The following ABCA5 variants were observed in gnomAD, a reference collection of about 807,000 sequenced individuals.
The protein encoded by ABCA5 is ATP binding cassette subfamily A member 5, also known as cholesterol transporter ABCA5.
ABCA5 carries 163 observed loss-of-function variants against 206.0 expected under a neutral mutation model. That is an observed-to-expected ratio of 0.79 (90% CI 0.70 to 0.90). ABCA5 has a LOEUF of 0.90. ABCA5 is among the 40% of genes least tolerant of loss of function. The pLI is 0.00. For synonymous variants in ABCA5, 609 were observed against 613.8 expected (o/e 0.99, Z 0.11); for missense variants, 1,859 against 1,912.9 (o/e 0.97, Z 0.53).
intron 1 of ABCA5, chr17:69,317,694 A>T (rs1471339884): frequency 3.3e-5 from 5 of 152,160 alleles, no homozygotes; most frequent in Non-Finnish European, 5.9e-5. Context: ...GAATGATCTA[A>T]ATCATTGTAC....
chr17:69,289,715 G>A (rs1013848258), intron 13 of ABCA5, 147 bp downstream of exon 13: 103 of 673,128 alleles, frequency 1.5e-4, no homozygotes, highest in Non-Finnish European at 1.8e-4. Context: ...TCCAAATTCT[G>A]TCTAATTCTT....
intron 3 of ABCA5, among the ~76,000 whole-genome samples, chr17:69,310,047 T>C (rs1241161111): frequency 6.6e-6 from 1 of 152,214 alleles, no homozygotes; most frequent in Non-Finnish European, 1.5e-5. Context: ...AAAACCTCAA[T>C]TAATTATACT....
At chr17:69,284,369 G>A (rs1024468191) in intron 17 of ABCA5, among the ~76,000 whole-genome samples, 7 of 151,596 alleles carry the variant, frequency 4.6e-5, no homozygotes, top group African/African-American at 1.7e-4. Context: ...ATAAATTAAG[G>A]ACCTCAAAGA....
At chr17:69,253,405 T>A (rs2075038603) in intron 34 of ABCA5, among the ~76,000 whole-genome samples, 168 bp downstream of exon 34, 1 of 152,236 alleles carries the variant, frequency 6.6e-6, no homozygotes, top group Non-Finnish European at 1.5e-5. Context: ...ATGCAAAGTT[T>A]TAAAAGCTTA....
chr17:69,282,069 T>C (rs1443637865), intron 18 of ABCA5, among the ~76,000 whole-genome samples: 1 of 152,186 alleles, frequency 6.6e-6, no homozygotes, highest in Non-Finnish European at 1.5e-5. Context: ...TGCTCCTTAC[T>C]GCATCATGAA....
chr17:69,251,791 C>G lies in ABCA5; in HGVS notation c.4491G>C (p.Glu1497Asp). ...TGATAGCTACTCGATCACAGACAGC[C>G]TCTGCCTCCTCCATATAGTGAGTGG... ...ILTTHYMEEA[E>D]AVCDRVAIMV... Residue 1497 changes from glutamate (E) to aspartate (D), a missense_variant, in exon 35 of 39, where the codon GAG (glutamate) becomes GAC (aspartate). By Grantham distance (45) the Glu-to-Asp change is conservative (BLOSUM62 2). Coordinates refer to ENST00000392676, the MANE Select transcript of ABCA5 (RefSeq NM_172232.4). 1 of 1,614,088 alleles carries G rather than the reference C, an allele frequency of 6.2e-7. No individual in the cohort carries two copies. Among genetic ancestry groups the G allele is most frequent in the Non-Finnish European group, 8.5e-7 (1 of 1,179,994 alleles).
intron 6 of ABCA5, 131 bp from the exon 7 acceptor site, chr17:69,304,941 T>A: frequency 1.4e-6 from 1 of 737,576 alleles, no homozygotes; most frequent in Non-Finnish European, 2.0e-6. Context: ...TTTCTGTGTA[T>A]GCTTATGTAC....
At chr17:69,272,618 T>C (rs2075285048) in intron 20 of ABCA5, among the ~76,000 whole-genome samples, 1 of 152,164 alleles carries the variant, frequency 6.6e-6, no homozygotes, top group Admixed American at 6.6e-5. Flanking sequence ...ATAAAATGTA[T>C]TTTAAAACCA....
rs1298362246 is a variant in ABCA5, at chr17:69,326,849, G to A, written c.-16+203C>T. On this transcript the variant is annotated intron_variant, in intron 1 of 38. Transcript: ENST00000392676. The surrounding 1 kb of genome is among the most constrained non-coding windows in gnomAD (Gnocchi z 4.8). ...CGAGGCTGGCAACCCGCGCTTCCCG[G>A]GAGCTGAGGGAGGTCTGTTTCCCTC... 6.6e-6 allele frequency among the ~76,000 whole-genome samples: 1 copy of A among 151,996 alleles called. No homozygotes were observed. The highest frequency in any genetic ancestry group is 1.5e-5 in the Non-Finnish European group (1 of 67,972).
chr17:69,298,229 T>TAGGAAGGTAGGAAGGTAGGAAGGTAGGA (rs1555582874), intron 9 of ABCA5, among the ~76,000 whole-genome samples: 4 of 33,466 alleles, frequency 1.2e-4, no homozygotes, highest in Non-Finnish European at 2.7e-4. Context: ...GGAAGGTAGG[T>TAGGAAGGTAGGAAGGTAGGAAGGTAGGA]AGGAAGGAAG....
At chr17:69,321,911 T>C (rs766947032) in intron 1 of ABCA5, among the ~76,000 whole-genome samples, 35 of 152,280 alleles carry the variant, frequency 2.3e-4, no homozygotes, top group Non-Finnish European at 4.9e-4. Flanking sequence ...CCTAGATAAA[T>C]AATTTACTAG....
intron 18 of ABCA5, among the ~76,000 whole-genome samples, chr17:69,278,058 A>C (rs1188253807): frequency 1.3e-5 from 2 of 152,216 alleles, no homozygotes; most frequent in East Asian, 3.9e-4. Context: ...ATATGAATAC[A>C]GGTTTCACCA....
At chr17:69,289,338 A>G in intron 13 of ABCA5, 42 bp from the exon 14 acceptor site, 2 of 1,415,090 alleles carry the variant, frequency 1.4e-6, no homozygotes, top group Non-Finnish European at 1.9e-6. Context: ...TAAAAATCAT[A>G]CCATTTATAT....
rs1318063985 is a variant in ABCA5 at position 69,259,686 on chromosome 17, T to A, written c.3731+20A>T. Reference sequence around the variant, plus strand: ...GTAAATATACTAAAAACATTTAAAATTTTTAAAAAATCAACTGACCTGAAA... The same window carrying A: ...GTAAATATACTAAAAACATTTAAAAATTTTAAAAAATCAACTGACCTGAAA... On this transcript the variant is annotated intron_variant, in intron 28 of 38. Transcript: ENST00000392676. 2.0e-6 allele frequency: 3 copies of A among 1,519,286 alleles called. No homozygotes were observed. Among genetic ancestry groups the A allele is most frequent in the Non-Finnish European group, 2.7e-6 (3 of 1,102,092 alleles). The allele number at this position is 1,519,286 out of a possible 1,614,324, so 94.1% of individuals were successfully genotyped here.
In ABCA5 at chr17:69,319,218, CACTA is replaced by C. The variant is rs140395603; in HGVS notation, c.-15-4792_-15-4789del. On this transcript the variant is annotated intron_variant, in intron 1 of 38. Coordinates refer to ENST00000392676, the MANE Select transcript of ABCA5 (RefSeq NM_172232.4). ...ATTTGCTACAATACAAACATAGAAA[CACTA>C]ACCTAATGCAGCATGAACATTCTCA... 3.9e-3 allele frequency among the ~76,000 whole-genome samples: 590 copies of C among 152,272 alleles called. 9 individuals carry two copies. The highest frequency in any genetic ancestry group is 0.014 in the African/African-American group (576 of 41,560).
At chr17:69,269,509 TAG>T (rs1178582243) in intron 22 of ABCA5, among the ~76,000 whole-genome samples, 1 of 152,182 alleles carries the variant, frequency 6.6e-6, no homozygotes, top group African/African-American at 2.4e-5. Flanking sequence ...GTGTTAAACA[TAG>T]AGTTACTAGA....
intron 35 of ABCA5, chr17:69,251,526 T>C (rs908344204): frequency 1.1e-5 from 6 of 540,682 alleles, no homozygotes; most frequent in Non-Finnish European, 1.8e-5. Flanking sequence ...CTAAAAATAA[T>C]ATTCCAAGTT....
intron 19 of ABCA5, among the ~76,000 whole-genome samples, chr17:69,276,232 G>A (rs550706258): frequency 9.9e-5 from 15 of 151,804 alleles, no homozygotes; most frequent in South Asian, 4.2e-4. Flanking sequence ...GACTACAGGC[G>A]CCCACCACCA....
intron 8 of ABCA5, among the ~76,000 whole-genome samples, chr17:69,301,956 C>T (rs535748681): frequency 1.6e-4 from 25 of 152,224 alleles, no homozygotes; most frequent in African/African-American, 6.0e-4. Context: ...ATTCTTCGTT[C>T]CTAGAGAACG....
Sources: allele counts gnomAD v4.1 joint callset (sites outside exome capture counted in the v4.1 genomes callset), GRCh38; gene constraint gnomAD v4.1.1; non-coding constraint Gnocchi (gnomAD v3.1); transcripts MANE v1.5; gene names NCBI Gene and HGNC (gene_info 2026-07-23, HGNC 2026-07-21).